MMD2: variants seen among roughly 807,000 people sequenced by gnomAD.
The protein encoded by MMD2 is monocyte to macrophage differentiation factor 2.
MMD2 carries 30 observed loss-of-function variants against 33.5 expected under a neutral mutation model. That is an observed-to-expected ratio of 0.90 (90% CI 0.67 to 1.22). The LOEUF (loss-of-function observed/expected upper bound fraction) is 1.22. Ranked by LOEUF, MMD2 falls within the 50% of genes most tolerant of loss-of-function variation. The pLI, the probability that MMD2 is intolerant of heterozygous loss-of-function variation, is 0.00. For missense variants in MMD2, 364 were observed against 325.4 expected, an observed-to-expected ratio of 1.12 and a Z score of -0.91; for synonymous variants, 129 against 123.0, an observed-to-expected ratio of 1.05 and a Z score of -0.32.
At chr7:4,907,853 C>T (rs77589988) in intron 6 of MMD2, among the ~76,000 whole-genome samples, 6,617 of 152,210 alleles carry the variant, frequency 0.043, 314 homozygotes, top group East Asian at 0.19. Flanking sequence ...GTTGCCCCAG[C>T]GGGAGTGCAG....
intron 1 of MMD2, among the ~76,000 whole-genome samples, chr7:4,952,913 G>C (rs1346101057): frequency 2.0e-5 from 3 of 152,142 alleles, no homozygotes; most frequent in Admixed American, 2.0e-4. Flanking sequence ...CTGGCTTCAA[G>C]TGATCTGCCT....
downstream of MMD2, among the ~76,000 whole-genome samples, chr7:4,902,752 T>C (rs1366853296): frequency 6.6e-6 from 1 of 152,180 alleles, no homozygotes; most frequent in Non-Finnish European, 1.5e-5. Flanking sequence ...CTGTACATGG[T>C]GGCAAATTTG....
At chr7:4,930,645 C>CA (rs57731564) in intron 1 of MMD2, among the ~76,000 whole-genome samples, 25 of 120,488 alleles carry the variant, frequency 2.1e-4, no homozygotes, top group Non-Finnish European at 2.7e-4. Flanking sequence ...ACTCTGTCTC[C>CA]AAAAAAAAAA....
intron 1 of MMD2, among the ~76,000 whole-genome samples, chr7:4,930,271 CA>C (rs770469673): frequency 5.1e-3 from 242 of 47,178 alleles, no homozygotes; most frequent in South Asian, 0.021. Context: ...GACTCCATCT[CA>C]AAAAAAAAAA....
chr7:4,936,575 TA>T (rs1309037369), intron 1 of MMD2, among the ~76,000 whole-genome samples: 2 of 152,166 alleles, frequency 1.3e-5, no homozygotes, highest in Non-Finnish European at 1.5e-5. Flanking sequence ...ATTTATTTTG[TA>T]GAGATGGGGT....
chr7:4,897,986 C>T, the MMD2 span, among the ~76,000 whole-genome samples: 1 of 152,204 alleles, frequency 6.6e-6, no homozygotes, highest in Non-Finnish European at 1.5e-5. Context: ...GATCCACCCA[C>T]CTTGGCCTCC....
intron 4 of MMD2, among the ~76,000 whole-genome samples, chr7:4,912,212 T>C (rs1305569501): frequency 6.6e-6 from 1 of 151,358 alleles, no homozygotes; most frequent in Non-Finnish European, 1.5e-5. Context: ...TTCAGGAGGG[T>C]GGAGGGTATG....
At chr7:4,957,185 T>G (rs1786408423) in intron 1 of MMD2, among the ~76,000 whole-genome samples, 1 of 148,770 alleles carries the variant, frequency 6.7e-6, no homozygotes, top group South Asian at 2.1e-4. Context: ...TATATATATA[T>G]ATATATAAAT....
At chr7:4,932,947 A>T (rs989650442) in intron 1 of MMD2, among the ~76,000 whole-genome samples, 1 of 150,366 alleles carries the variant, frequency 6.7e-6, no homozygotes, top group Non-Finnish European at 1.5e-5. Flanking sequence ...CTTTTCCAAA[A>T]TGTCACCTAT....
At chr7:4,921,045 G>C (rs774622555) in intron 2 of MMD2, among the ~76,000 whole-genome samples, 1 of 152,116 alleles carries the variant, frequency 6.6e-6, no homozygotes, top group Non-Finnish European at 1.5e-5. Context: ...AGCCATGTGG[G>C]GCCAGTGGCT....
At chr7:4,908,074 T>C (rs1280511311) in intron 6 of MMD2, among the ~76,000 whole-genome samples, 2 of 151,968 alleles carry the variant, frequency 1.3e-5, no homozygotes, top group Non-Finnish European at 2.9e-5. Context: ...CTTCCCAAAG[T>C]GATGGCATTA....
chr7:4,918,328 G>A (rs530851385), intron 3 of MMD2, among the ~76,000 whole-genome samples: 1 of 152,272 alleles, frequency 6.6e-6, no homozygotes, highest in African/African-American at 2.4e-5. Context: ...ACTAATGATT[G>A]TATGCACGGC....
the MMD2 span, among the ~76,000 whole-genome samples, chr7:4,898,097 A>ACG: frequency 3.9e-5 from 6 of 152,090 alleles, no homozygotes; most frequent in Non-Finnish European, 7.4e-5. Context: ...GTTCAGGGCC[A>ACG]CGCTGCCCAC....
intron 4 of MMD2, among the ~76,000 whole-genome samples, chr7:4,913,721 C>CAAAA (rs35733360): frequency 5.6e-5 from 3 of 54,046 alleles, no homozygotes; most frequent in African/African-American, 8.1e-5. Context: ...TCTATCTCGG[C>CAAAA]AAAAAAAAAA....
chr7:4,951,473 C>T, intron 1 of MMD2, among the ~76,000 whole-genome samples: 1 of 152,036 alleles, frequency 6.6e-6, no homozygotes, highest in East Asian at 1.9e-4. Flanking sequence ...CAATGTCCTT[C>T]CCTCACCCTG....
intron 6 of MMD2, chr7:4,909,621 G>T: frequency 3.2e-6 from 2 of 627,616 alleles, no homozygotes; most frequent in Admixed American, 5.2e-5. Context: ...TTTTTTTTTA[G>T]AGATGGGTCT....
At chr7:4,898,325 A>G in the MMD2 span, among the ~76,000 whole-genome samples, 2 of 152,288 alleles carry the variant, frequency 1.3e-5, no homozygotes, top group South Asian at 4.1e-4. Flanking sequence ...AGCCCTGCCA[A>G]TTGCAGCAAA....
At chr7:4,896,251 G>A in the MMD2 span, among the ~76,000 whole-genome samples, 32 of 152,222 alleles carry the variant, frequency 2.1e-4, no homozygotes, top group Non-Finnish European at 3.8e-4. Context: ...AGGCTGAGGC[G>A]GGTGGACTGC....
intron 1 of MMD2, among the ~76,000 whole-genome samples, chr7:4,945,555 C>G (rs1466770138): frequency 2.6e-5 from 4 of 151,742 alleles, no homozygotes; most frequent in Non-Finnish European, 5.9e-5. Flanking sequence ...CATGAGCCGC[C>G]TCACCCAGCC....
Sources: allele counts gnomAD v4.1 joint callset (sites outside exome capture counted in the v4.1 genomes callset), GRCh38; gene constraint gnomAD v4.1.1; transcripts MANE v1.5; gene names NCBI Gene and HGNC (gene_info 2026-07-23, HGNC 2026-07-21).